The following NUFIP1 variants were observed in gnomAD, a reference collection of about 807,000 sequenced individuals.
NUFIP1 encodes nuclear FMR1 interacting protein 1.
A neutral mutation model predicts 56.2 loss-of-function variants in NUFIP1; 38 were observed. The observed-to-expected ratio is 0.68, with a 90% CI of 0.52 to 0.89. The LOEUF (loss-of-function observed/expected upper bound fraction) is 0.89. Among genes scored for constraint, NUFIP1 ranks in the 40% least tolerant of loss-of-function variants. The probability of loss-of-function intolerance (pLI) is 0.00; values close to 1 mark genes in which losing one functional copy is unlikely to be tolerated. For missense variants in NUFIP1, 567 were observed against 605.8 expected (o/e 0.94, Z 0.67); for synonymous variants, 215 against 212.4 (o/e 1.01, Z -0.10).
In NUFIP1 at chr13:44,941,113, A is replaced by G; in HGVS notation, c.*93T>C. 3.1e-6 allele frequency: 2 copies of G among 651,954 alleles called. No homozygotes were observed. The highest frequency in any genetic ancestry group is 2.3e-5 in the South Asian group (1 of 44,382). The allele number at this position is 651,954 out of a possible 1,614,324, so 40.4% of individuals were successfully genotyped here. On this transcript the variant is annotated 3_prime_UTR_variant, in exon 10 of 10. Coordinates refer to ENST00000379161, the MANE Select transcript of NUFIP1 (RefSeq NM_012345.3). ...GGCTTACAATTTAATTACAAATCCA[A>G]TTTTGACGGAAAAAAGGGTTTTGGT...
At position 44,941,235 on chromosome 13, in the gene NUFIP1, T is replaced by C. The variant is rs1401266212; in HGVS notation, c.1459A>G (p.Thr487Ala). 6.2e-7 allele frequency: 1 copy of C among 1,604,260 alleles called. No homozygotes were observed. Among genetic ancestry groups the C allele is most frequent in the South Asian group, 1.1e-5 (1 of 90,212 alleles). ...ACATCTTTACTTTTCGCAGAATTAG[T>C]ATCCAGTCCAAAAAAGTCTTTTTTG... Reference protein sequence around the residue: ...IIKKDFFGLDTNSAKSKDV With the variant: ...IIKKDFFGLDANSAKSKDV The change falls in exon 10 of 10, where the codon ACT (threonine) becomes GCT (alanine). Residue 487 changes from threonine (T) to alanine (A), a missense_variant. Coordinates refer to ENST00000379161, the MANE Select transcript of NUFIP1 (RefSeq NM_012345.3).
Position 44,959,576 on chromosome 13 carries a change from TG to T in NUFIP1, c.828-3del. ...TGTCTGGACATCCCCTTCATCTTGC[TG>T]GAGTAAGAAAATTGCAATTTTTAAT... On this transcript the variant is annotated splice_region_variant and splice_polypyrimidine_tract_variant and intron_variant, in intron 6 of 9. Coordinates refer to ENST00000379161, the MANE Select transcript of NUFIP1 (RefSeq NM_012345.3). The T allele has an allele frequency of 6.3e-7, 1 of 1,593,656 alleles. No individual in the cohort carries two copies. The highest frequency in any genetic ancestry group is 2.2e-5 in the East Asian group (1 of 44,734).
chr13:44,955,938 T>TC (rs979458983), intron 7 of NUFIP1, among the ~76,000 whole-genome samples: 12 of 151,288 alleles, frequency 7.9e-5, no homozygotes, highest in African/African-American at 2.7e-4. Context: ...GGTCAGGAGA[T>TC]CGAGACCATC....
intron 7 of NUFIP1, among the ~76,000 whole-genome samples, chr13:44,958,525 G>GA (rs1442198646): frequency 1.3e-5 from 2 of 152,050 alleles, no homozygotes; most frequent in East Asian, 3.9e-4. Flanking sequence ...TTCAGTCAAC[G>GA]AATTAGTTAT....
intron 1 of NUFIP1, among the ~76,000 whole-genome samples, chr13:44,984,845 G>C (rs1487830540): frequency 1.3e-5 from 2 of 151,984 alleles, no homozygotes; most frequent in Non-Finnish European, 2.9e-5. Context: ...ATCTCCTAAT[G>C]CTATACCTCC....
At chr13:44,976,030 A>G (rs1482232348) in intron 5 of NUFIP1, among the ~76,000 whole-genome samples, 1 of 152,196 alleles carries the variant, frequency 6.6e-6, no homozygotes, top group African/African-American at 2.4e-5. Context: ...AGTAACCGCT[A>G]CCATTCCCCT....
At chr13:44,955,598 C>T (rs1025208803) in intron 7 of NUFIP1, among the ~76,000 whole-genome samples, 4 of 152,230 alleles carry the variant, frequency 2.6e-5, no homozygotes, top group Non-Finnish European at 4.4e-5. Flanking sequence ...CTTGTTATCA[C>T]AGTGCTGGCC....
In NUFIP1 at chr13:44,949,858, G is replaced by A. The variant is rs1871032222; in HGVS notation, c.1022-20C>T. 11 of 1,333,620 alleles carry A rather than the reference G, an allele frequency of 8.2e-6. No homozygotes were observed. In the East Asian group the frequency reaches 2.3e-4, roughly 28 times the overall value. The allele number at this position is 1,333,620 out of a possible 1,614,324, so 82.6% of individuals were successfully genotyped here. A position where few individuals can be genotyped will look rare whatever the true frequency, so the allele number is the denominator to read the frequency against. On this transcript the variant is annotated intron_variant, in intron 7 of 9. Coordinates refer to ENST00000379161, the MANE Select transcript of NUFIP1 (RefSeq NM_012345.3). ...CAGACTCTGAAGGGAAAAGAAGTCA[G>A]ATTCAAAACATCTACCACCATAAAA...
chr13:44,971,713 T>C (rs1226951850), intron 5 of NUFIP1, among the ~76,000 whole-genome samples: 2 of 152,180 alleles, frequency 1.3e-5, no homozygotes, highest in African/African-American at 4.8e-5. Context: ...AAAGCTACTG[T>C]TTTCCCAGTG....
chr13:44,965,327 C>T (rs1001996567), intron 6 of NUFIP1, among the ~76,000 whole-genome samples: 8 of 152,174 alleles, frequency 5.3e-5, no homozygotes, highest in African/African-American at 1.4e-4. Context: ...TGCCCAGTCT[C>T]GGGTATGTCT....
At chr13:44,980,933 C>T (rs1247669167) in intron 2 of NUFIP1, 113 bp from the exon 3 acceptor site, 20 of 604,706 alleles carry the variant, frequency 3.3e-5, no homozygotes, top group South Asian at 1.1e-4. Flanking sequence ...ATAACCCTTT[C>T]GTGTGGGAGA....
At chr13:44,982,501 C>G (rs1461512308) in intron 1 of NUFIP1, among the ~76,000 whole-genome samples, 1 of 152,142 alleles carries the variant, frequency 6.6e-6, no homozygotes, top group East Asian at 1.9e-4. Context: ...AATTTCGCAC[C>G]AGGAAAACAG....
At chr13:44,945,951 G>A (rs1004648634) in intron 8 of NUFIP1, among the ~76,000 whole-genome samples, 2 of 152,088 alleles carry the variant, frequency 1.3e-5, no homozygotes, top group African/African-American at 2.4e-5. Context: ...ATAGGGACAA[G>A]TGTTAAAAGC....
intron 5 of NUFIP1, among the ~76,000 whole-genome samples, chr13:44,978,127 T>C (rs1872054050): frequency 6.6e-6 from 1 of 152,238 alleles, no homozygotes; most frequent in South Asian, 2.1e-4. Context: ...CCTGATACAC[T>C]TTCGTTGAAT....
Position 44,940,180 on chromosome 13 carries a change from G to A in NUFIP1, c.*1026C>T, listed in dbSNP as rs915272468. ...AAATATGGGGCTCACTGGAGGAGTA[G>A]GGTGAAACAGAATAAACAGATCTGT... On this transcript the variant is annotated 3_prime_UTR_variant, in exon 10 of 10. Transcript: ENST00000379161. The A allele has an allele frequency of 6.6e-6, 1 of 152,196 alleles. No individual in the cohort carries two copies. Among genetic ancestry groups the A allele is most frequent in the African/African-American group, 2.4e-5 (1 of 41,444 alleles). 9.4% of individuals were successfully genotyped at this position (152,196 alleles called of 1,614,324 possible). A position where few individuals can be genotyped will look rare whatever the true frequency, so the allele number is the denominator to read the frequency against.
chr13:44,959,935 CTTT>C (rs780739517), intron 6 of NUFIP1, among the ~76,000 whole-genome samples: 1 of 143,040 alleles, frequency 7.0e-6, no homozygotes, highest in African/African-American at 2.5e-5. Flanking sequence ...TTTTTCTTCT[CTTT>C]TTTTTTTTTT....
chr13:44,960,277 AT>A lies in NUFIP1; in HGVS notation c.828-704del, dbSNP rs1312541029. Among the ~76,000 whole-genome samples the A allele has an allele frequency of 2.7e-5, 4 of 145,680 alleles. No individual in the cohort carries two copies. The East Asian group carries it at 8.4e-4, about 31-fold the overall frequency. On this transcript the variant is annotated intron_variant, in intron 6 of 9. Transcript: ENST00000379161. ...AAAGTATGTTCACTCTTGTCTACTC[AT>A]TTTATTTTGAGACGGAGTCTCACTC... is the stretch of plus-strand genomic sequence containing the variant.
chr13:44,981,563 C>A (rs1316256322), intron 2 of NUFIP1, among the ~76,000 whole-genome samples: 1 of 152,178 alleles, frequency 6.6e-6, no homozygotes, highest in East Asian at 1.9e-4. Context: ...TTAATCCCAG[C>A]ACTTTGGGAG....
At position 44,941,163 on chromosome 13, in the gene NUFIP1, C is replaced by T. The variant is rs1870719939; in HGVS notation, c.*43G>A. On this transcript the variant is annotated 3_prime_UTR_variant, in exon 10 of 10. Transcript: ENST00000379161. ...TTTTCCTCTACTAACGAGGATGATA[C>T]TGTTTCACATGCTTCAGTTATGTAT... is the stretch of plus-strand genomic sequence containing the variant. The T allele has an allele frequency of 2.0e-6, 2 of 990,148 alleles. No individual in the cohort carries two copies. The highest frequency in any genetic ancestry group is 2.2e-5 in the Admixed American group (1 of 44,528). 61.3% of individuals were successfully genotyped at this position (990,148 alleles called of 1,614,324 possible).
Sources: allele counts gnomAD v4.1 joint callset (sites outside exome capture counted in the v4.1 genomes callset), GRCh38; gene constraint gnomAD v4.1.1; transcripts MANE v1.5; gene names NCBI Gene and HGNC (gene_info 2026-07-23, HGNC 2026-07-21).